Variants in GARNL3 observed in about 807,000 individuals in gnomAD.
The protein encoded by GARNL3 is GTPase-activating Rap/Ran-GAP domain-like protein 3.
A neutral mutation model predicts 125.0 loss-of-function variants in GARNL3; 63 were observed. That is an observed-to-expected ratio of 0.50 (90% CI 0.41 to 0.62). GARNL3 has a LOEUF of 0.62. GARNL3 is among the 20% of genes least tolerant of loss of function. The pLI is 0.00. For missense variants in GARNL3, 994 were observed against 1,244.0 expected (o/e 0.80, Z 3.02); for synonymous variants, 439 against 457.5 (o/e 0.96, Z 0.52).
Position 127,385,020 on chromosome 9 carries a change from C to A in GARNL3, c.2270-7C>A. 1 of 1,593,168 alleles carries A rather than the reference C, an allele frequency of 6.3e-7. No individual in the cohort carries two copies. Among genetic ancestry groups the A allele is most frequent in the Non-Finnish European group, 8.6e-7 (1 of 1,164,478 alleles). ...AGCTGGGAGGTGACACTCCCGTTCC[C>A]TTGCAGTCTGTGCTTTCCCGTATCT... On this transcript the variant is annotated splice_polypyrimidine_tract_variant and splice_region_variant and intron_variant, in intron 23 of 27. Coordinates refer to ENST00000373387, the MANE Select transcript of GARNL3 (RefSeq NM_032293.5). The surrounding 1 kb of genome is among the most constrained non-coding windows in gnomAD (Gnocchi z 4.1).
intron 2 of GARNL3, among the ~76,000 whole-genome samples, chr9:127,246,067 T>C (rs1201342352): frequency 1.3e-5 from 2 of 152,192 alleles, no homozygotes; most frequent in African/African-American, 4.8e-5. Flanking sequence ...AAGACCTACT[T>C]TGAAGTTGGT....
intron 15 of GARNL3, among the ~76,000 whole-genome samples, chr9:127,345,147 G>A (rs1313740979): frequency 6.6e-6 from 1 of 152,122 alleles, no homozygotes; most frequent in African/African-American, 2.4e-5. Flanking sequence ...CAAGCTCATG[G>A]TTTATAAATC....
chr9:127,375,635 C>A (rs1831861986), intron 22 of GARNL3, among the ~76,000 whole-genome samples: 1 of 152,182 alleles, frequency 6.6e-6, no homozygotes, highest in South Asian at 2.1e-4. Context: ...CTTGATACTT[C>A]TTCCCTCAAG....
At chr9:127,375,929 G>A (rs1333076665) in intron 22 of GARNL3, among the ~76,000 whole-genome samples, 1 of 152,128 alleles carries the variant, frequency 6.6e-6, no homozygotes, top group Non-Finnish European at 1.5e-5. Flanking sequence ...CCCAAGTCAA[G>A]CCTTCTGATG....
At chr9:127,281,341 G>A (rs1455720480) in intron 1 of GARNL3, among the ~76,000 whole-genome samples, 3 of 152,186 alleles carry the variant, frequency 2.0e-5, no homozygotes, top group Non-Finnish European at 2.9e-5. Context: ...CAATCATAGC[G>A]ATGGGTGTTG....
At position 127,242,315 on chromosome 9, in the gene GARNL3, TTGTC is replaced by T. The variant is rs1419633949; in HGVS notation, c.-28-759_-28-756del. ...AAGTAATTGGATTTTGCTGGCTTGT[TTGTC>T]TGTCAGTTGAGGTAGAGGTGAGTGA... On this transcript the variant is annotated intron_variant, in intron 1 of 10. Transcript: ENST00000439286. The surrounding 1 kb of genome is among the most constrained non-coding windows in gnomAD (Gnocchi z 4.6). Among the ~76,000 whole-genome samples, 2 of 152,234 alleles carry T rather than the reference TTGTC, an allele frequency of 1.3e-5. No homozygotes were observed. The highest frequency in any genetic ancestry group is 1.5e-5 in the Non-Finnish European group (1 of 68,042).
chr9:127,250,266 C>A (rs1166438433), intron 2 of GARNL3, among the ~76,000 whole-genome samples: 1 of 152,166 alleles, frequency 6.6e-6, no homozygotes, highest in Non-Finnish European at 1.5e-5. Context: ...TTTTCCTGTA[C>A]AGCCTTGTAT....
intron 1 of GARNL3, among the ~76,000 whole-genome samples, chr9:127,267,683 G>A (rs1564863037): frequency 1.3e-5 from 2 of 152,162 alleles, no homozygotes; most frequent in Admixed American, 1.3e-4. Context: ...TAAGAGGAGC[G>A]TGATGTTTCC....
In GARNL3 at chr9:127,375,585, A is replaced by C. The variant is rs188417993; in HGVS notation, c.2162-7853A>C. ...TTAGCCCAAAACTGAAAACAACACA[A>C]ATGTCCATTGTGGAGGTTTTAAAAT... On this transcript the variant is annotated intron_variant, in intron 22 of 27. Transcript: ENST00000373387. Among the ~76,000 whole-genome samples the C allele has an allele frequency of 6.6e-5, 10 of 152,288 alleles. No homozygotes were observed. In the East Asian group the frequency reaches 1.9e-3, roughly 29 times the overall value.
At chr9:127,274,610 C>T (rs1001958427) in intron 1 of GARNL3, among the ~76,000 whole-genome samples, 1 of 152,176 alleles carries the variant, frequency 6.6e-6, no homozygotes, top group African/African-American at 2.4e-5. Flanking sequence ...TTGCAGCCAC[C>T]TTGGCTTGGC....
At chr9:127,335,941 G>C (rs976389669) in intron 10 of GARNL3, among the ~76,000 whole-genome samples, 187 bp from the exon 11 acceptor site, 1 of 152,212 alleles carries the variant, frequency 6.6e-6, no homozygotes, top group Admixed American at 6.5e-5. Context: ...GACAGGAGCA[G>C]AGGAGATGGG....
At chr9:127,225,665 A>G (rs1261103681) in intron 1 of GARNL3, among the ~76,000 whole-genome samples, 2 of 151,720 alleles carry the variant, frequency 1.3e-5, no homozygotes, top group African/African-American at 2.4e-5. Context: ...TCGGCGGGGC[A>G]TGGGCTGAGG....
chr9:127,303,236 C>T (rs2064852848), intron 2 of GARNL3, among the ~76,000 whole-genome samples: 1 of 152,088 alleles, frequency 6.6e-6, no homozygotes, highest in South Asian at 2.1e-4. Flanking sequence ...ATACTACTGT[C>T]CCATTTATGA....
At chr9:127,263,750 G>A (rs948476414), upstream of GARNL3, 160 of 1,204,474 alleles carry the variant, frequency 1.3e-4, no homozygotes, top group Middle Eastern at 2.6e-3. Context: ...CTAAGAGAGG[G>A]AGGACTACAA....
At chr9:127,297,577 G>A (rs887478425) in intron 2 of GARNL3, among the ~76,000 whole-genome samples, 1 of 152,084 alleles carries the variant, frequency 6.6e-6, no homozygotes, top group African/African-American at 2.4e-5. Context: ...ACATTAAGAA[G>A]CTTTACATGA....
At chr9:127,355,207 CA>C in intron 19 of GARNL3, 89 bp from the exon 20 acceptor site, 1 of 1,001,458 alleles carries the variant, frequency 1.0e-6, no homozygotes, top group Non-Finnish European at 1.5e-6. Flanking sequence ...GCTTAATTTC[CA>C]GGGTTCCTAG....
intron 1 of GARNL3, among the ~76,000 whole-genome samples, chr9:127,275,343 C>CT (rs1170408848): frequency 6.6e-6 from 1 of 152,128 alleles, no homozygotes; most frequent in Admixed American, 6.5e-5. Flanking sequence ...TTTAAGAGCT[C>CT]TTTTTTTAGG....
At chr9:127,329,646 G>A (rs893302719) in intron 7 of GARNL3, among the ~76,000 whole-genome samples, 3 of 152,002 alleles carry the variant, frequency 2.0e-5, no homozygotes, top group Non-Finnish European at 2.9e-5. Flanking sequence ...TCAGGTGGTA[G>A]TAGGCCCCAT....
At chr9:127,378,187 G>A (rs1832030842) in intron 22 of GARNL3, among the ~76,000 whole-genome samples, 2 of 147,710 alleles carry the variant, frequency 1.4e-5, no homozygotes, top group South Asian at 4.2e-4. Context: ...GATGCAATGA[G>A]CCAAGATTCT....
Sources: allele counts gnomAD v4.1 joint callset (sites outside exome capture counted in the v4.1 genomes callset), GRCh38; gene constraint gnomAD v4.1.1; non-coding constraint Gnocchi (gnomAD v3.1); transcripts MANE v1.5; gene names NCBI Gene and HGNC (gene_info 2026-07-23, HGNC 2026-07-21).